The following SLITRK3 variants were observed in gnomAD, a reference collection of about 807,000 sequenced individuals.
SLITRK3 encodes the protein SLIT and NTRK like family member 3.
SLITRK3 carries 16 observed loss-of-function variants against 63.6 expected under a neutral mutation model. That is an observed-to-expected ratio of 0.25 (90% CI 0.17 to 0.38). The LOEUF is 0.38. Among genes scored for constraint, SLITRK3 ranks in the 10% least tolerant of loss-of-function variants. The pLI, the probability that SLITRK3 is intolerant of heterozygous loss-of-function variation, is 1.00. For missense variants in SLITRK3, 1,117 were observed against 1,181.4 expected (o/e 0.95, Z 0.80); for synonymous variants, 547 against 451.6 (o/e 1.21, Z -2.68).
At position 165,188,016 on chromosome 3, in the gene SLITRK3, C is replaced by G. The variant is rs1320533381; in HGVS notation, c.2815G>C (p.Ala939Pro). The change falls in exon 2 of 2, where the codon GCT (alanine) becomes CCT (proline). Residue 939 changes from alanine to proline, a missense_variant. Around this residue, in one of 4 missense-constraint regions of SLITRK3, gnomAD observed 499 missense variants for 463.6 expected, o/e 1.08. Transcript: ENST00000475390. ...ARLKETLLFSAGKGFTDHQTQ... is the reference protein window; with the variant it reads ...ARLKETLLFSPGKGFTDHQTQ... ...TGGTGGTCTGTGAAGCCCTTTCCAG[C>G]CGAGAAGAGAAGGGTTTCTTTGAGC... The G allele has an allele frequency of 6.2e-7, 1 of 1,613,960 alleles. No homozygotes were observed. The highest frequency in any genetic ancestry group is 1.1e-5 in the South Asian group (1 of 91,058).
rs764746699 is a variant in SLITRK3, at chr3:165,190,554, A to G, written c.277T>C (p.Tyr93His). 76 of 1,613,814 alleles carry G rather than the reference A, an allele frequency of 4.7e-5. No individual in the cohort carries two copies. Among genetic ancestry groups the G allele is most frequent in the Non-Finnish European group, 6.3e-5 (74 of 1,180,004 alleles). ...YLQRNSMRKL[Y>H]TNSFLHLNNA... is the part of the protein sequence containing the mutation. ...TTCAAATGAAGAAAACTGTTGGTAT[A>G]TAATTTCCTCATAGAATTCCTCTGC... Residue 93 changes from tyrosine (Y) to histidine (H), a missense_variant, in exon 2 of 2, where the codon TAT becomes CAT. Physicochemically the swap from Tyr to His is moderately conservative, Grantham distance 83. Around this residue, in one of 4 missense-constraint regions of SLITRK3, gnomAD observed 452 missense variants for 495.3 expected, o/e 0.91. Transcript: ENST00000475390.
intron 1 of SLITRK3, among the ~76,000 whole-genome samples, chr3:165,194,078 C>T (rs1364025316): frequency 1.3e-5 from 2 of 152,090 alleles, no homozygotes; most frequent in South Asian, 2.1e-4. Context: ...GTCTAATCAA[C>T]AGGACCCGTG....
chr3:165,192,121 C>A (rs1560055555), intron 1 of SLITRK3, among the ~76,000 whole-genome samples: 2 of 152,150 alleles, frequency 1.3e-5, no homozygotes, highest in Non-Finnish European at 2.9e-5. Flanking sequence ...CATATATTTT[C>A]CTCATAGAGA....
chr3:165,196,721 G>C (rs1195813812), upstream of SLITRK3: 1 of 152,236 alleles, frequency 6.6e-6, no homozygotes, highest in African/African-American at 2.4e-5. Context: ...GCGCTCGGGA[G>C]CCCCCAGATC....
rs137988578 is a variant in SLITRK3 at position 165,188,593 on chromosome 3, C to T, written c.2238G>A (p.Pro746=). The T allele has an allele frequency of 1.5e-5, 24 of 1,613,820 alleles. No homozygotes were observed. The Admixed American group carries it at 1.5e-4, about 10-fold the overall frequency. Reference sequence around the variant, plus strand: ...TGGGGTTGTTGCACATTTGGGTAACCGGGTGGGGGATGTACTCATACACAT... The same window carrying T: ...TGGGGTTGTTGCACATTTGGGTAACTGGGTGGGGGATGTACTCATACACAT... The part of the protein sequence containing the change: ...VGHVYEYIPH[P]VTQMCNNPIY... The change falls in exon 2 of 2, where the codon CCG becomes CCA. Residue 746 remains proline (P), a synonymous_variant. Coordinates refer to ENST00000475390, the MANE Select transcript of SLITRK3 (RefSeq NM_001318810.2).
chr3:165,193,883 G>A (rs976472406), intron 1 of SLITRK3, among the ~76,000 whole-genome samples: 3 of 152,144 alleles, frequency 2.0e-5, no homozygotes, highest in African/African-American at 7.2e-5. Flanking sequence ...CTAGGGAGTA[G>A]TGGGAGTGGG....
intron 1 of SLITRK3, among the ~76,000 whole-genome samples, chr3:165,193,277 TTTTCTTTCTTTCTTTC>T (rs146325529): frequency 1.0e-4 from 14 of 138,986 alleles, no homozygotes; most frequent in Non-Finnish European, 1.5e-4. Flanking sequence ...GGGATAGGCA[TTTTCTTTCTTTCTTTC>T]TTTCTTTCTT....
chr3:165,188,268 C>G lies in SLITRK3; in HGVS notation c.2563G>C (p.Gly855Arg). 1 of 1,613,744 alleles carries G rather than the reference C, an allele frequency of 6.2e-7. No homozygotes were observed. The highest frequency in any genetic ancestry group is 8.5e-7 in the Non-Finnish European group (1 of 1,179,862). Residue 855 changes from glycine (G) to arginine (R), a missense_variant, in exon 2 of 2, where the codon GGA becomes CGA. Physicochemically the swap from Gly to Arg is moderately radical, Grantham distance 125. Coordinates refer to ENST00000475390, the MANE Select transcript of SLITRK3 (RefSeq NM_001318810.2). ...TGGTGGCGGAACCCTGCCAAGTCTC[C>G]CCCAGTTCCCCCAACTACTCCTGAA... ...GVSGVVGGTGGDLAGFRHHEK... is the reference protein window; with the variant it reads ...GVSGVVGGTGRDLAGFRHHEK...
rs1179462540 is a variant in SLITRK3 at position 165,188,920 on chromosome 3, G to C, written c.1911C>G (p.Thr637=). 3 of 1,614,114 alleles carry C rather than the reference G, an allele frequency of 1.9e-6. No individual in the cohort carries two copies. The Admixed American group carries it at 5.0e-5, about 27-fold the overall frequency. The change falls in exon 2 of 2, where the codon ACC becomes ACG. Residue 637 remains threonine (T), a synonymous_variant. Transcript: ENST00000475390. The part of the protein sequence containing the change: ...PGDSHLIGAP[T]SASPYEFSPP... ...GAGAAAACTCATAAGGTGATGCACT[G>C]GTTGGTGCCCCAATAAGGTGAGAAT...
chr3:165,196,719 G>A (rs1300629699), upstream of SLITRK3: 1 of 152,262 alleles, frequency 6.6e-6, no homozygotes, highest in East Asian at 1.9e-4. Flanking sequence ...CGGCGCTCGG[G>A]AGCCCCCAGA....
rs1377212324 is a variant in SLITRK3 at position 165,189,603 on chromosome 3, C to T, written c.1228G>A (p.Ala410Thr). 1 of 1,614,184 alleles carries T rather than the reference C, an allele frequency of 6.2e-7. No individual in the cohort carries two copies. The highest frequency in any genetic ancestry group is 2.2e-5 in the East Asian group (1 of 44,878). ...TTGCTACTCAGATACAGTTTCTTGG[C>T]ATTCAAGGGCCTTGGAAGAAGTTCA... ...ISELLPRPLN[A>T]KKLYLSSNLI... Residue 410 changes from alanine (A) to threonine (T), a missense_variant, in exon 2 of 2, where the codon GCC (alanine) becomes ACC (threonine). By Grantham distance (58) the Ala-to-Thr change is moderately conservative. Around this residue, in one of 4 missense-constraint regions of SLITRK3, gnomAD observed 452 missense variants for 495.3 expected, o/e 0.91. Transcript: ENST00000475390. This position sits in a 1 kb window ranked among gnomAD's most constrained non-coding sequence, Gnocchi z 4.0.
intron 1 of SLITRK3, among the ~76,000 whole-genome samples, chr3:165,191,070 G>A (rs1190618155): frequency 6.6e-6 from 1 of 152,108 alleles, no homozygotes; most frequent in African/African-American, 2.4e-5. Flanking sequence ...ACATTTTCCT[G>A]AACCAAGCCA....
chr3:165,196,870 G>A (rs1718442778), upstream of SLITRK3: 1 of 35,552 alleles, frequency 2.8e-5, no homozygotes, highest in African/African-American at 7.5e-5. Context: ...AAGGAAGCAA[G>A]TGATCTCTCT....
intron 1 of SLITRK3, among the ~76,000 whole-genome samples, chr3:165,193,971 T>C: frequency 6.6e-6 from 1 of 152,136 alleles, no homozygotes; most frequent in Non-Finnish European, 1.5e-5. Context: ...TCAGAGGAAT[T>C]TTTTTAAGGC....
In SLITRK3 at chr3:165,188,130, C is replaced by T; in HGVS notation, c.2701G>A (p.Asp901Asn). ...TTGGGCACTGTTCCATAGAGACAGT[C>T]CACAAATCCCACTGTGCAGGGGGCA... is the stretch of plus-strand genomic sequence containing the variant. ...QPAPCTVGFV[D>N]CLYGTVPKLK... The change falls in exon 2 of 2, where the codon GAC becomes AAC. Residue 901 changes from aspartate to asparagine, a missense_variant. Around this residue, in one of 4 missense-constraint regions of SLITRK3, gnomAD observed 499 missense variants for 463.6 expected, o/e 1.08. Coordinates refer to ENST00000475390, the MANE Select transcript of SLITRK3 (RefSeq NM_001318810.2). The T allele has an allele frequency of 6.2e-7, 1 of 1,613,326 alleles. No individual in the cohort carries two copies. Among genetic ancestry groups the T allele is most frequent in the South Asian group, 1.1e-5 (1 of 91,036 alleles).
rs1196533396 is a variant in SLITRK3 at position 165,187,807 on chromosome 3, G to T, written c.*90C>A. The T allele has an allele frequency of 6.5e-6, 7 of 1,083,268 alleles. No individual in the cohort carries two copies. The highest frequency in any genetic ancestry group is 9.4e-6 in the Non-Finnish European group (7 of 748,048). The allele number at this position is 1,083,268 out of a possible 1,614,324, so 67.1% of individuals were successfully genotyped here. ...AAAGATCGTGAGGATGGAGTTACTG[G>T]GACAAGTGTAAAGGGAGCAAGGGAT... On this transcript the variant is annotated 3_prime_UTR_variant, in exon 2 of 2. Transcript: ENST00000475390.
Position 165,189,420 on chromosome 3 carries a change from G to C in SLITRK3, c.1411C>G (p.Leu471Val). 1.2e-6 allele frequency: 2 copies of C among 1,613,308 alleles called. No homozygotes were observed. Among genetic ancestry groups the C allele is most frequent in the Non-Finnish European group, 1.7e-6 (2 of 1,180,038 alleles). Reference protein sequence around the residue: ...LFLNGNDIEKLTPGMFRGLQS... With the variant: ...LFLNGNDIEKVTPGMFRGLQS... Reference sequence around the variant, plus strand: ...AGGCCTCGGAACATGCCTGGTGTCAGCTTCTCTATATCGTTGCCATTAAGG... The same window carrying C: ...AGGCCTCGGAACATGCCTGGTGTCACCTTCTCTATATCGTTGCCATTAAGG... The change falls in exon 2 of 2, where the codon CTG becomes GTG. Residue 471 changes from leucine (L) to valine (V), a missense_variant. Physicochemically the swap from Leu to Val is conservative, Grantham distance 32 (BLOSUM62 1). This residue lies in a region of SLITRK3 where 158 missense variants were observed against 197.2 expected (regional missense o/e 0.80). Transcript: ENST00000475390. This position sits in a 1 kb window ranked among gnomAD's most constrained non-coding sequence, Gnocchi z 4.0.
At position 165,190,303 on chromosome 3, in the gene SLITRK3, C is replaced by T; in HGVS notation, c.528G>A (p.Arg176=). 6.2e-7 allele frequency: 1 copy of T among 1,614,076 alleles called. No individual in the cohort carries two copies. Among genetic ancestry groups the T allele is most frequent in the Non-Finnish European group, 8.5e-7 (1 of 1,180,004 alleles). Reference sequence around the variant, plus strand: ...TGAGATTATCATTTAAAATCAGAACCCTCAATTTACTTAGGTTCCGAAATG... The same window carrying T: ...TGAGATTATCATTTAAAATCAGAACTCTCAATTTACTTAGGTTCCGAAATG... ...SGAFRNLSKL[R]VLILNDNLIP... is the part of the protein sequence containing the mutation. Residue 176 remains arginine (R), a synonymous_variant, in exon 2 of 2, where the codon AGG becomes AGA. Coordinates refer to ENST00000475390, the MANE Select transcript of SLITRK3 (RefSeq NM_001318810.2).
In SLITRK3 at chr3:165,188,362, G is replaced by A. The variant is rs768186967; in HGVS notation, c.2469C>T (p.Ser823=). 10 of 1,613,966 alleles carry A rather than the reference G, an allele frequency of 6.2e-6. No homozygotes were observed. The South Asian group carries it at 1.1e-4, about 18-fold the overall frequency. Residue 823 remains serine, a synonymous_variant, in exon 2 of 2, where the codon TCC becomes TCT. Transcript: ENST00000475390. The part of the protein sequence containing the change: ...EKEKEWALAV[S]SSQLNTIVTV... ...TCACTATGGTGTTAAGCTGGGAGCT[G>A]GACACTGCTAGGGCCCACTCCTTCT...
Sources: gnomAD v4.1 joint callset for allele counts (sites outside exome capture counted in the v4.1 genomes callset) on GRCh38, gnomAD v4.1.1 for gene constraint, gnomAD v4.1.1 regional missense constraint, Gnocchi (gnomAD v3.1) non-coding constraint, MANE v1.5 for transcripts, NCBI Gene and HGNC (gene_info 2026-07-23, HGNC 2026-07-21) for gene names.